PRKAR2B: variants seen among roughly 807,000 people sequenced by gnomAD.
PRKAR2B encodes the protein cAMP-dependent protein kinase type II-beta regulatory subunit.
A neutral mutation model predicts 49.9 loss-of-function variants in PRKAR2B; 14 were observed. The observed-to-expected ratio is 0.28, with a 90% CI of 0.19 to 0.44. The LOEUF (loss-of-function observed/expected upper bound fraction) is 0.44, where lower values mean the gene tolerates loss of function less well. Among genes scored for constraint, PRKAR2B ranks in the 20% least tolerant of loss-of-function variants. The pLI, the probability that PRKAR2B is intolerant of heterozygous loss-of-function variation, is 1.00. For synonymous variants in PRKAR2B, 196 were observed against 197.7 expected, an observed-to-expected ratio of 0.99 and a Z score of 0.07; for missense variants, 393 against 537.9, an observed-to-expected ratio of 0.73 and a Z score of 2.67.
chr7:107,053,950 T>C (rs1189427399), intron 1 of PRKAR2B, among the ~76,000 whole-genome samples: 1 of 152,254 alleles, frequency 6.6e-6, no homozygotes, highest in East Asian at 1.9e-4. Context: ...TGCTTTCTTG[T>C]AACTTTTGAA....
At chr7:107,053,885 G>A (rs1793857918) in intron 1 of PRKAR2B, among the ~76,000 whole-genome samples, 1 of 152,132 alleles carries the variant, frequency 6.6e-6, no homozygotes, top group Non-Finnish European at 1.5e-5. Flanking sequence ...GAAAAGAAAT[G>A]CAATTTCATA....
At chr7:107,080,720 C>T (rs1042606996) in intron 2 of PRKAR2B, among the ~76,000 whole-genome samples, 4 of 152,114 alleles carry the variant, frequency 2.6e-5, no homozygotes, top group African/African-American at 7.2e-5. Flanking sequence ...CTAATGAGAG[C>T]GCTGTAACCG....
chr7:107,080,064 T>C (rs1238713516), intron 2 of PRKAR2B, among the ~76,000 whole-genome samples: 1 of 152,170 alleles, frequency 6.6e-6, no homozygotes, highest in East Asian at 1.9e-4. Context: ...GGTTTTCAAC[T>C]TGGACATTGA....
intron 1 of PRKAR2B, among the ~76,000 whole-genome samples, chr7:107,052,745 A>T (rs1004026089): frequency 6.6e-6 from 1 of 152,212 alleles, no homozygotes; most frequent in Non-Finnish European, 1.5e-5. Flanking sequence ...CCCTGCATTG[A>T]TCTCTCCCTT....
intron 2 of PRKAR2B, among the ~76,000 whole-genome samples, chr7:107,084,275 A>G (rs1163088631): frequency 1.3e-5 from 2 of 152,148 alleles, no homozygotes; most frequent in African/African-American, 2.4e-5. Context: ...TTCATCATTC[A>G]AAGTTCTGTG....
At chr7:107,067,201 C>G (rs1361030764) in intron 1 of PRKAR2B, 2 of 152,198 alleles carry the variant, frequency 1.3e-5, no homozygotes, top group Non-Finnish European at 2.9e-5. Context: ...TTATTTCCAG[C>G]AAGGCCTCCA....
chr7:107,144,373 A>AAT, intron 5 of PRKAR2B, among the ~76,000 whole-genome samples: 1 of 152,010 alleles, frequency 6.6e-6, no homozygotes, highest in Non-Finnish European at 1.5e-5. Flanking sequence ...GGCGTGAACC[A>AAT]CTGTGCCTGG....
At chr7:107,062,403 G>T (rs1437679443) in intron 1 of PRKAR2B, among the ~76,000 whole-genome samples, 2 of 152,060 alleles carry the variant, frequency 1.3e-5, no homozygotes, top group Non-Finnish European at 2.9e-5. Context: ...CAGGAGAATG[G>T]AGATATATAT....
chr7:107,151,844 G>A (rs769458123), intron 7 of PRKAR2B, among the ~76,000 whole-genome samples: 2 of 152,128 alleles, frequency 1.3e-5, no homozygotes, highest in Non-Finnish European at 2.9e-5. Context: ...AGTTTCTATC[G>A]CTTTCAAACA....
At chr7:107,115,347 T>C (rs1795253705) in intron 2 of PRKAR2B, among the ~76,000 whole-genome samples, 2 of 152,210 alleles carry the variant, frequency 1.3e-5, no homozygotes, top group African/African-American at 2.4e-5. Flanking sequence ...GAATTAAATA[T>C]TCACTTAAGT....
chr7:107,102,240 T>C (rs542122283), intron 2 of PRKAR2B, among the ~76,000 whole-genome samples: 1 of 152,260 alleles, frequency 6.6e-6, no homozygotes, highest in South Asian at 2.1e-4. Flanking sequence ...AACTAGGAAT[T>C]ATAATATATT....
At chr7:107,117,230 AT>A (rs1006863659) in intron 2 of PRKAR2B, among the ~76,000 whole-genome samples, 5 of 151,016 alleles carry the variant, frequency 3.3e-5, no homozygotes, top group South Asian at 2.1e-4. Flanking sequence ...GAAAAAGGTA[AT>A]TTTTTTTTCC....
At chr7:107,087,071 T>C (rs1794634475) in intron 2 of PRKAR2B, among the ~76,000 whole-genome samples, 1 of 152,170 alleles carries the variant, frequency 6.6e-6, no homozygotes, top group Non-Finnish European at 1.5e-5. Context: ...TTCTATTATG[T>C]GCCTTTTAAG....
At chr7:107,156,270 T>A (rs1438748357) in intron 8 of PRKAR2B, among the ~76,000 whole-genome samples, 3 of 151,592 alleles carry the variant, frequency 2.0e-5, no homozygotes, top group Non-Finnish European at 4.4e-5. Context: ...AGTAAAATTT[T>A]AAAAAAAGGA....
At chr7:107,120,558 A>G (rs755558391) in intron 2 of PRKAR2B, among the ~76,000 whole-genome samples, 1 of 152,196 alleles carries the variant, frequency 6.6e-6, no homozygotes, top group African/African-American at 2.4e-5. Context: ...TTTTATATCT[A>G]TGCCAGAATA....
chr7:107,143,475 T>C (rs1188184122), intron 5 of PRKAR2B, among the ~76,000 whole-genome samples: 2 of 152,222 alleles, frequency 1.3e-5, no homozygotes, highest in African/African-American at 2.4e-5. Flanking sequence ...TTGTGGTTGC[T>C]CTTGTTTGGC....
At chr7:107,094,322 C>G (rs927956992) in intron 2 of PRKAR2B, among the ~76,000 whole-genome samples, 1 of 152,168 alleles carries the variant, frequency 6.6e-6, no homozygotes, top group African/African-American at 2.4e-5. Flanking sequence ...TGAGAAGTGT[C>G]TGTTCATATC....
chr7:107,152,381 G>T (rs1002806089), intron 7 of PRKAR2B, among the ~76,000 whole-genome samples: 1 of 152,120 alleles, frequency 6.6e-6, no homozygotes, highest in Non-Finnish European at 1.5e-5. Context: ...CGGGGTCTTT[G>T]TACTTGCCGT....
In PRKAR2B at chr7:107,146,434, T is replaced by C. The variant is rs758636189; in HGVS notation, c.714T>C (p.Ala238=). 3.1e-6 allele frequency: 5 copies of C among 1,614,056 alleles called. No individual in the cohort carries two copies. In the African/African-American group the frequency reaches 5.3e-5, roughly 17 times the overall value. ...YNTPRAATIT[A]TSPGALWGLD... is the part of the protein sequence containing the mutation. ...CACCCAGAGCAGCTACAATCACTGCTACCTCTCCTGGTGCTCTGTGGGGTT... is the reference window on the plus strand; with the variant it reads ...CACCCAGAGCAGCTACAATCACTGCCACCTCTCCTGGTGCTCTGTGGGGTT... The change falls in exon 6 of 11, where the codon GCT becomes GCC. Residue 238 remains alanine, a synonymous_variant. Coordinates refer to ENST00000265717, the MANE Select transcript of PRKAR2B (RefSeq NM_002736.3).
Sources: gnomAD v4.1 joint callset for allele counts (sites outside exome capture counted in the v4.1 genomes callset) on GRCh38, gnomAD v4.1.1 for gene constraint, MANE v1.5 for transcripts, NCBI Gene and HGNC (gene_info 2026-07-23, HGNC 2026-07-21) for gene names.